HS6ST3: variants seen among roughly 807,000 people sequenced by gnomAD.
The protein encoded by HS6ST3 is heparan-sulfate 6-O-sulfotransferase 3.
A neutral mutation model predicts 36.7 loss-of-function variants in HS6ST3; 12 were observed. That is an observed-to-expected ratio of 0.33 (90% CI 0.21 to 0.53). The LOEUF is 0.53. Among genes scored for constraint, HS6ST3 ranks in the 20% least tolerant of loss-of-function variants. The probability of loss-of-function intolerance (pLI) is 0.95; values close to 1 mark genes in which losing one functional copy is unlikely to be tolerated. For missense variants in HS6ST3, 584 were observed against 640.9 expected (o/e 0.91, Z 0.96); for synonymous variants, 240 against 257.5 (o/e 0.93, Z 0.65).
intron 1 of HS6ST3, among the ~76,000 whole-genome samples, chr13:96,765,741 T>C (rs935051599): frequency 6.6e-6 from 1 of 152,168 alleles, no homozygotes; most frequent in Non-Finnish European, 1.5e-5. Context: ...AACAAAAGCT[T>C]TGTGTACTAA....
At chr13:96,741,445 C>A (rs982131872) in intron 1 of HS6ST3, among the ~76,000 whole-genome samples, 3 of 152,170 alleles carry the variant, frequency 2.0e-5, no homozygotes, top group African/African-American at 7.2e-5. Flanking sequence ...ACCTTGTCAA[C>A]TAATACCTAA....
chr13:96,468,100 T>G (rs2055823243), intron 1 of HS6ST3, among the ~76,000 whole-genome samples: 1 of 152,194 alleles, frequency 6.6e-6, no homozygotes, highest in Admixed American at 6.5e-5. Flanking sequence ...GATTACAACT[T>G]CTGTTTTCTT....
intron 1 of HS6ST3, among the ~76,000 whole-genome samples, chr13:96,831,870 G>A (rs1252028700): frequency 6.8e-6 from 1 of 146,320 alleles, no homozygotes; most frequent in African/African-American, 2.5e-5. Context: ...CAGGAGAATC[G>A]CTTGAACCCG....
chr13:96,245,784 GT>G (rs1206138695), intron 1 of HS6ST3, among the ~76,000 whole-genome samples: 1 of 152,072 alleles, frequency 6.6e-6, no homozygotes, highest in Non-Finnish European at 1.5e-5. Context: ...CTCATGCTAG[GT>G]TTTTGGGTTT....
intron 1 of HS6ST3, among the ~76,000 whole-genome samples, chr13:96,625,056 C>G (rs1283616797): frequency 6.6e-6 from 1 of 152,192 alleles, no homozygotes; most frequent in African/African-American, 2.4e-5. Flanking sequence ...TGGAGCAGAG[C>G]TAGCCCATAG....
rs1034221213 is a variant in HS6ST3, at chr13:96,588,943, C to G, written c.708-243547C>G. Among the ~76,000 whole-genome samples, 3 of 151,554 alleles carry G rather than the reference C, an allele frequency of 2.0e-5. 1 individual carries two copies. The highest frequency in any genetic ancestry group is 2.0e-4 in the Admixed American group (3 of 15,196). On this transcript the variant is annotated intron_variant, in intron 1 of 1. Coordinates refer to ENST00000376705, the MANE Select transcript of HS6ST3 (RefSeq NM_153456.4). ...GCACATGCCTGTATTCCCAGCTACTCCAGAGGCTGAGGCAGGAGAATCACT... is the reference window on the plus strand; with the variant it reads ...GCACATGCCTGTATTCCCAGCTACTGCAGAGGCTGAGGCAGGAGAATCACT...
chr13:96,655,224 C>T (rs565738242), intron 1 of HS6ST3, among the ~76,000 whole-genome samples: 12 of 152,092 alleles, frequency 7.9e-5, no homozygotes, highest in Non-Finnish European at 1.5e-4. Context: ...CTAACACACT[C>T]ATGATGATAA....
In HS6ST3 at chr13:96,681,287, T is replaced by G. The variant is rs140807161; in HGVS notation, c.708-151203T>G. Among the ~76,000 whole-genome samples, 125 of 152,334 alleles carry G rather than the reference T, an allele frequency of 8.2e-4. 1 individual carries two copies. Among genetic ancestry groups the G allele is most frequent in the African/African-American group, 2.8e-3 (117 of 41,590 alleles). On this transcript the variant is annotated intron_variant, in intron 1 of 1. Transcript: ENST00000376705. ...TGCAACCAATCACCTTTGTCAAATC[T>G]GGGAAATGGATGTAGACTGTTCTTT...
At chr13:96,267,428 T>C (rs1017748703) in intron 1 of HS6ST3, among the ~76,000 whole-genome samples, 10 of 152,172 alleles carry the variant, frequency 6.6e-5, no homozygotes, top group African/African-American at 2.4e-4. Context: ...ATTTAACCAT[T>C]TCTAAATCTT....
At chr13:96,804,197 G>A (rs1394274038) in intron 1 of HS6ST3, among the ~76,000 whole-genome samples, 1 of 152,010 alleles carries the variant, frequency 6.6e-6, no homozygotes, top group African/African-American at 2.4e-5. Context: ...AATCCTGGAA[G>A]GCCAGAATTG....
Position 96,486,096 on chromosome 13 carries a change from T to C in HS6ST3, c.708-346394T>C, listed in dbSNP as rs1258573342. Among the ~76,000 whole-genome samples, 2 of 147,794 alleles carry C rather than the reference T, an allele frequency of 1.4e-5. 1 individual carries two copies. Among genetic ancestry groups the C allele is most frequent in the Admixed American group, 1.4e-4 (2 of 14,448 alleles). On this transcript the variant is annotated intron_variant, in intron 1 of 1. Coordinates refer to ENST00000376705, the MANE Select transcript of HS6ST3 (RefSeq NM_153456.4). ...GTTCTCGTTGTTCAATTCCCACCTG[T>C]GAGTGAGAACATGCGGTGTTTGGTT...
rs562045744 is a variant in HS6ST3, at chr13:96,839,427, G to C, written c.*6229G>C. ...ATAATATGTATGAACTCAGTTACTA[G>C]GGGACTGTATTGTGACATTATCAAC... On this transcript the variant is annotated 3_prime_UTR_variant, in exon 2 of 2. Transcript: ENST00000376705. 1 of 152,186 alleles carries C rather than the reference G, an allele frequency of 6.6e-6. No individual in the cohort carries two copies. Among genetic ancestry groups the C allele is most frequent in the East Asian group, 1.9e-4 (1 of 5,184 alleles). The allele number at this position is 152,186 out of a possible 1,614,324, so 9.4% of individuals were successfully genotyped here. A position where few individuals can be genotyped will look rare whatever the true frequency, so the allele number is the denominator to read the frequency against.
chr13:96,328,031 G>T (rs2055042630), intron 1 of HS6ST3, among the ~76,000 whole-genome samples: 1 of 147,864 alleles, frequency 6.8e-6, no homozygotes, highest in African/African-American at 2.5e-5. Context: ...CATTGATTTT[G>T]TATCCTGAGA....
chr13:96,524,368 C>T (rs2056105468), intron 1 of HS6ST3, among the ~76,000 whole-genome samples: 1 of 152,196 alleles, frequency 6.6e-6, no homozygotes, highest in Admixed American at 6.5e-5. Context: ...GAACGCTGCA[C>T]CAGGAGAACT....
In HS6ST3 at chr13:96,478,205, A is replaced by T. The variant is rs949710611; in HGVS notation, c.708-354285A>T. On this transcript the variant is annotated intron_variant, in intron 1 of 1. Coordinates refer to ENST00000376705, the MANE Select transcript of HS6ST3 (RefSeq NM_153456.4). ...TGATGGGAACATTGGAAGACCTGAA[A>T]TTAAGACTTAGTAATTTTAAGTGAG... 5.9e-5 allele frequency among the ~76,000 whole-genome samples: 9 copies of T among 152,316 alleles called. No homozygotes were observed. The East Asian group carries it at 1.7e-3, about 29-fold the overall frequency.
At chr13:96,682,045 G>T (rs776778148) in intron 1 of HS6ST3, among the ~76,000 whole-genome samples, 1 of 152,046 alleles carries the variant, frequency 6.6e-6, no homozygotes, top group African/African-American at 2.4e-5. Flanking sequence ...TTATCTTGGT[G>T]CCTGGACCAT....
At chr13:96,649,675 C>G (rs1451298774) in intron 1 of HS6ST3, among the ~76,000 whole-genome samples, 1 of 152,042 alleles carries the variant, frequency 6.6e-6, no homozygotes, top group African/African-American at 2.4e-5. Flanking sequence ...CATCATCTCC[C>G]ACTTGGATTA....
intron 1 of HS6ST3, among the ~76,000 whole-genome samples, chr13:96,375,063 A>T (rs1458763160): frequency 6.6e-6 from 1 of 151,920 alleles, no homozygotes; most frequent in African/African-American, 2.4e-5. Flanking sequence ...TCTTGCTTCC[A>T]TTCTTGTCCC....
chr13:96,816,406 G>T (rs1212793431), intron 1 of HS6ST3, among the ~76,000 whole-genome samples: 1 of 152,162 alleles, frequency 6.6e-6, no homozygotes, highest in Non-Finnish European at 1.5e-5. Context: ...TGTACTGGGG[G>T]GCATTTGCCA....
Sources: gnomAD v4.1 joint callset for allele counts (sites outside exome capture counted in the v4.1 genomes callset) on GRCh38, gnomAD v4.1.1 for gene constraint, MANE v1.5 for transcripts, NCBI Gene and HGNC (gene_info 2026-07-23, HGNC 2026-07-21) for gene names.